Variants in ZNF37A observed in about 807,000 individuals in gnomAD.
ZNF37A encodes zinc finger protein 37a (KOX 21).
Under a neutral mutation model 12.3 loss-of-function variants are expected in ZNF37A, and 10 were observed. The ratio of observed to expected loss-of-function variants is 0.82; its 90% CI spans 0.50 to 1.38. ZNF37A has a LOEUF of 1.38. Among genes scored for constraint, ZNF37A ranks in the 40% most tolerant of loss-of-function variants. The pLI is 0.00. For synonymous variants in ZNF37A, 207 were observed against 223.0 expected, an observed-to-expected ratio of 0.93 and a Z score of 0.64; for missense variants, 580 against 651.2, an observed-to-expected ratio of 0.89 and a Z score of 1.19.
chr10:38,136,559 C>G (rs768169277), intron 7 of ZNF37A, among the ~76,000 whole-genome samples: 1 of 152,174 alleles, frequency 6.6e-6, no homozygotes, highest in Non-Finnish European at 1.5e-5. Context: ...CGATGAGTCA[C>G]TTCACTTTTG....
intron 5 of ZNF37A, among the ~76,000 whole-genome samples, chr10:38,103,578 CTG>C (rs1159908725): frequency 6.6e-6 from 1 of 151,942 alleles, no homozygotes; most frequent in Non-Finnish European, 1.5e-5. Flanking sequence ...TTCTGTGTGT[CTG>C]TGGGTCATAT....
chr10:38,133,767 A>G (rs1590943797), intron 7 of ZNF37A, among the ~76,000 whole-genome samples: 2 of 152,300 alleles, frequency 1.3e-5, no homozygotes, highest in East Asian at 1.9e-4. Flanking sequence ...TAGTGCCGCA[A>G]TAAACATACA....
chr10:38,146,108 A>G (rs1302899394), intron 7 of ZNF37A, among the ~76,000 whole-genome samples: 1 of 152,212 alleles, frequency 6.6e-6, no homozygotes, highest in Non-Finnish European at 1.5e-5. Flanking sequence ...TCAAACAAAA[A>G]GAAAGAAACA....
In ZNF37A at chr10:38,145,247, C is replaced by T. The variant is rs139606314; in HGVS notation, c.239-1485C>T. ...AAGGATCAGAATGCCACAAATTCTA[C>T]GGAGGCTATGGAAATAGTTTTGACT... On this transcript the variant is annotated intron_variant, in intron 7 of 7. Coordinates refer to the ZNF37A transcript ENST00000638053. Among the ~76,000 whole-genome samples, 769 of 152,200 alleles carry T rather than the reference C, an allele frequency of 5.1e-3. 5 individuals are homozygous for T. The highest frequency in any genetic ancestry group is 0.016 in the African/African-American group (674 of 41,538).
Position 38,118,624 on chromosome 10 carries a change from A to G in ZNF37A, c.1473A>G (p.Arg491=). 1.9e-6 allele frequency: 3 copies of G among 1,605,394 alleles called. No individual in the cohort carries two copies. The highest frequency in any genetic ancestry group is 2.6e-6 in the Non-Finnish European group (3 of 1,174,736). Residue 491 remains arginine, a synonymous_variant, in exon 8 of 8, where the codon AGA becomes AGG. Coordinates refer to ENST00000685332, the MANE Select transcript of ZNF37A (RefSeq NM_001324250.3). ...ALIVHQRTHI[R]QKPYGCNQCG... is the part of the protein sequence containing the mutation. The stretch of plus-strand genomic sequence containing the variant: ...TTGTTCACCAGAGAACTCATATAAG[A>G]CAGAAACCCTATGGATGTAATCAAT...
chr10:38,104,675 G>A (rs1387526883), intron 5 of ZNF37A, among the ~76,000 whole-genome samples: 1 of 151,974 alleles, frequency 6.6e-6, no homozygotes, highest in Non-Finnish European at 1.5e-5. Context: ...AGTGGAGGAT[G>A]GAATTTAAAA....
chr10:38,126,094 A>G (rs1461608038), downstream of ZNF37A, among the ~76,000 whole-genome samples: 2 of 152,232 alleles, frequency 1.3e-5, no homozygotes, highest in Admixed American at 1.3e-4. Flanking sequence ...TACATTCAAC[A>G]TCAGATTTAG....
chr10:38,128,361 TTAAG>T (rs1244947877), downstream of ZNF37A, among the ~76,000 whole-genome samples: 1 of 152,020 alleles, frequency 6.6e-6, no homozygotes, highest in East Asian at 1.9e-4. Context: ...GTGGGAGAAA[TTAAG>T]TAATTGCACA....
In ZNF37A at chr10:38,124,586, A is replaced by G. The variant is rs1438455198; in HGVS notation, c.*5749A>G. ...AGATATATACACCTAGTATGTACCC[A>G]CAAAAATTAAAAATAAAGTAAAATT... On this transcript the variant is annotated 3_prime_UTR_variant, in exon 8 of 8. Coordinates refer to ENST00000685332, the MANE Select transcript of ZNF37A (RefSeq NM_001324250.3). 6.6e-6 allele frequency: 1 copy of G among 152,192 alleles called. No individual in the cohort carries two copies. Among genetic ancestry groups the G allele is most frequent in the East Asian group, 1.9e-4 (1 of 5,190 alleles). 9.4% of individuals were successfully genotyped at this position (152,192 alleles called of 1,614,324 possible).
chr10:38,101,828 T>A (rs1371029419), intron 5 of ZNF37A, among the ~76,000 whole-genome samples: 1 of 147,776 alleles, frequency 6.8e-6, no homozygotes, highest in Non-Finnish European at 1.5e-5. Flanking sequence ...TTTTTCTTTT[T>A]TTTTTTTTTT....
rs545012259 is a variant in ZNF37A at position 38,118,814 on chromosome 10, A to G, written c.1663A>G (p.Asn555Asp). Residue 555 changes from asparagine (N) to aspartate (D), a missense_variant, in exon 8 of 8, where the codon AAC becomes GAC. By Grantham distance (23) the Asn-to-Asp change is conservative (BLOSUM62 1). Coordinates refer to ENST00000685332, the MANE Select transcript of ZNF37A (RefSeq NM_001324250.3). The stretch of plus-strand genomic sequence containing the variant: ...GGGGAGAAACCCTATAAATGTAGTA[A>G]ACGAGGGAAATTACTCTGGGTGAAG... ...HLGRNPINVV[N>D]EGNYSG is the part of the protein sequence containing the mutation. The G allele has an allele frequency of 2.5e-6, 4 of 1,579,910 alleles. No individual in the cohort carries two copies. The highest frequency in any genetic ancestry group is 2.7e-5 in the African/African-American group (2 of 73,792).
chr10:38,140,135 GT>G (rs1322249024), intron 7 of ZNF37A: 1 of 152,150 alleles, frequency 6.6e-6, no homozygotes, highest in Admixed American at 6.5e-5. Flanking sequence ...AACTCTACAG[GT>G]TTGTCAAACA....
chr10:38,104,740 T>C (rs1190723761), intron 5 of ZNF37A, among the ~76,000 whole-genome samples: 1 of 151,996 alleles, frequency 6.6e-6, no homozygotes, highest in Non-Finnish European at 1.5e-5. Context: ...TCCCTCTCAA[T>C]TGACAGTTAG....
intron 5 of ZNF37A, among the ~76,000 whole-genome samples, chr10:38,099,990 C>G (rs1013240547): frequency 2.6e-5 from 4 of 152,044 alleles, no homozygotes; most frequent in Non-Finnish European, 5.9e-5. Flanking sequence ...CCCTAAGCAT[C>G]GGCCAGTTTG....
intron 7 of ZNF37A, chr10:38,142,763 G>A (rs1355670328): frequency 6.6e-6 from 1 of 152,160 alleles, no homozygotes; most frequent in South Asian, 2.1e-4. Context: ...CACGTCACTT[G>A]TTGCAGCCCA....
rs1056715887 is a variant in ZNF37A, at chr10:38,123,420, A to T, written c.*4583A>T. Reference sequence around the variant, plus strand: ...AGTATTTATTGTTAACACTGGAAAAAGTTTTCCAAAACGTATATGGCAGAA... The same window carrying T: ...AGTATTTATTGTTAACACTGGAAAATGTTTTCCAAAACGTATATGGCAGAA... On this transcript the variant is annotated 3_prime_UTR_variant, in exon 8 of 8. Transcript: ENST00000685332. 4 of 152,184 alleles carry T rather than the reference A, an allele frequency of 2.6e-5. No individual in the cohort carries two copies. Among genetic ancestry groups the T allele is most frequent in the African/African-American group, 9.7e-5 (4 of 41,448 alleles). 9.4% of individuals were successfully genotyped at this position (152,184 alleles called of 1,614,324 possible).
At chr10:38,112,622 C>T (rs1267225730) in intron 5 of ZNF37A, among the ~76,000 whole-genome samples, 1 of 149,382 alleles carries the variant, frequency 6.7e-6, no homozygotes, top group Non-Finnish European at 1.5e-5. Flanking sequence ...CTGGATTTAT[C>T]TATATTTTAC....
intron 5 of ZNF37A, among the ~76,000 whole-genome samples, chr10:38,106,297 C>T (rs954918760): frequency 6.6e-6 from 1 of 152,110 alleles, no homozygotes; most frequent in Admixed American, 6.6e-5. Context: ...GGAATAACAT[C>T]AACATCAACA....
intron 7 of ZNF37A, among the ~76,000 whole-genome samples, chr10:38,135,300 G>A (rs1011362759): frequency 1.3e-4 from 20 of 152,302 alleles, no homozygotes; most frequent in Admixed American, 5.2e-4. Flanking sequence ...CAGGAGAATC[G>A]CCTGAAACTG....
Sources: allele counts gnomAD v4.1 joint callset (sites outside exome capture counted in the v4.1 genomes callset), GRCh38; gene constraint gnomAD v4.1.1; transcripts MANE v1.5; gene names NCBI Gene and HGNC (gene_info 2026-07-23, HGNC 2026-07-21).